Variants in MACROD2 observed in about 807,000 individuals in gnomAD.
The protein encoded by MACROD2 is mono-ADP ribosylhydrolase 2.
Under a neutral mutation model 70.4 loss-of-function variants are expected in MACROD2, and 36 were observed. The observed-to-expected ratio is 0.51, with a 90% confidence interval of 0.39 to 0.68. The LOEUF (loss-of-function observed/expected upper bound fraction) is 0.68. Among genes scored for constraint, MACROD2 ranks in the 30% least tolerant of loss-of-function variants. The pLI, the probability that MACROD2 is intolerant of heterozygous loss-of-function variation, is 0.00. For missense variants in MACROD2, 496 were observed against 538.4 expected, an observed-to-expected ratio of 0.92 and a Z score of 0.78; for synonymous variants, 172 against 178.8, an observed-to-expected ratio of 0.96 and a Z score of 0.30.
At chr20:15,855,696 ATTGT>A in intron 8 of MACROD2, among the ~76,000 whole-genome samples, 1 of 152,304 alleles carries the variant, frequency 6.6e-6, no homozygotes, top group Non-Finnish European at 1.5e-5. Flanking sequence ...CCCCAGGGTA[ATTGT>A]TACATTAACT....
intron 8 of MACROD2, among the ~76,000 whole-genome samples, chr20:15,772,897 GA>G (rs942709686): frequency 1.3e-5 from 2 of 150,888 alleles, no homozygotes; most frequent in Non-Finnish European, 3.0e-5. Context: ...TTCTTTCCTG[GA>G]AAAAAAAATC....
intron 6 of MACROD2, among the ~76,000 whole-genome samples, chr20:15,273,163 A>T (rs756982629): frequency 6.6e-6 from 1 of 152,166 alleles, no homozygotes; most frequent in Non-Finnish European, 1.5e-5. Flanking sequence ...GGGAAGGCAG[A>T]TCCACCCTTA....
chr20:14,234,955 T>C (rs7268327), intron 3 of MACROD2, among the ~76,000 whole-genome samples: 1 of 152,048 alleles, frequency 6.6e-6, no homozygotes, highest in African/African-American at 2.4e-5. Context: ...GTTTTCAAAG[T>C]CAAATATGGG....
chr20:14,197,562 G>A (rs1259661454), intron 3 of MACROD2, among the ~76,000 whole-genome samples: 1 of 152,080 alleles, frequency 6.6e-6, no homozygotes, highest in Non-Finnish European at 1.5e-5. Flanking sequence ...GAGGTTGGGA[G>A]TTCGAGACCA....
rs531510697 is a variant in MACROD2, at chr20:15,532,634, G to A, written c.645+32787G>A. Among the ~76,000 whole-genome samples, 148 of 150,950 alleles carry A rather than the reference G, an allele frequency of 9.8e-4. 2 individuals are homozygous for A. Among genetic ancestry groups the A allele is most frequent in the Admixed American group, 3.3e-4 (5 of 15,240 alleles). On this transcript the variant is annotated intron_variant, in intron 8 of 17. Transcript: ENST00000684519. The stretch of plus-strand genomic sequence containing the variant: ...TAAACTCAATTATAAGAACAAACAA[G>A]TGAAACAAAACAAAATAAACCAAAA...
At chr20:14,000,372 A>C (rs2052717450) in intron 1 of MACROD2, among the ~76,000 whole-genome samples, 1 of 152,140 alleles carries the variant, frequency 6.6e-6, no homozygotes, top group African/African-American at 2.4e-5. Context: ...GGAGTGGGAA[A>C]AATATTGGTT....
At chr20:15,807,194 C>A (rs2063776983) in intron 8 of MACROD2, among the ~76,000 whole-genome samples, 1 of 152,158 alleles carries the variant, frequency 6.6e-6, no homozygotes, top group Admixed American at 6.5e-5. Context: ...TGACTTCCAC[C>A]AATAACCAAG....
intron 8 of MACROD2, among the ~76,000 whole-genome samples, chr20:15,784,279 G>C (rs1285099269): frequency 1.3e-5 from 2 of 152,036 alleles, no homozygotes; most frequent in East Asian, 3.8e-4. Flanking sequence ...ACAAGTGCCT[G>C]GTAGCTCATG....
At chr20:15,575,513 G>C (rs2048434741) in intron 8 of MACROD2, among the ~76,000 whole-genome samples, 2 of 152,166 alleles carry the variant, frequency 1.3e-5, no homozygotes, top group Admixed American at 6.5e-5. Context: ...GGGCAGTGGA[G>C]GCAGAAAGGA....
intron 3 of MACROD2, among the ~76,000 whole-genome samples, chr20:14,213,825 C>G (rs1436785513): frequency 6.6e-6 from 1 of 151,932 alleles, no homozygotes; most frequent in Non-Finnish European, 1.5e-5. Context: ...TAAAAGTTTT[C>G]TTTATTTTTT....
intron 2 of MACROD2, among the ~76,000 whole-genome samples, chr20:14,039,440 T>C (rs1429147937): frequency 6.6e-6 from 1 of 152,114 alleles, no homozygotes; most frequent in East Asian, 1.9e-4. Flanking sequence ...TTATGTTTTA[T>C]TTTTTTCTTT....
chr20:14,651,256 G>A (rs982265683), intron 4 of MACROD2, among the ~76,000 whole-genome samples: 1 of 152,040 alleles, frequency 6.6e-6, no homozygotes, highest in East Asian at 1.9e-4. Context: ...ATAGGGGGAC[G>A]TCATGATGCC....
At chr20:14,042,102 A>G (rs1168587662) in intron 2 of MACROD2, among the ~76,000 whole-genome samples, 2 of 152,226 alleles carry the variant, frequency 1.3e-5, no homozygotes, top group African/African-American at 2.4e-5. Context: ...AAGAAACTGA[A>G]CTTTTTAGTA....
intron 3 of MACROD2, among the ~76,000 whole-genome samples, chr20:14,161,192 T>C (rs1361661642): frequency 1.2e-5 from 1 of 82,880 alleles, no homozygotes; most frequent in African/African-American, 5.9e-5. Flanking sequence ...TTTCTTTTTC[T>C]TTTTTTTTTT....
intron 4 of MACROD2, among the ~76,000 whole-genome samples, chr20:14,644,154 G>A (rs1296995964): frequency 2.0e-5 from 3 of 152,138 alleles, no homozygotes; most frequent in Non-Finnish European, 4.4e-5. Flanking sequence ...CTAAGAAACA[G>A]CAGTGAACTT....
chr20:14,609,253 G>T (rs1036399432), intron 4 of MACROD2, among the ~76,000 whole-genome samples: 5 of 145,232 alleles, frequency 3.4e-5, no homozygotes, highest in African/African-American at 1.2e-4. Context: ...ATTAGAAACA[G>T]AGAGAAGTTA....
chr20:15,633,471 G>GC (rs2049320645), intron 8 of MACROD2, among the ~76,000 whole-genome samples: 1 of 152,118 alleles, frequency 6.6e-6, no homozygotes, highest in Non-Finnish European at 1.5e-5. Context: ...ACCAGAAAAT[G>GC]CCATTCAGGA....
intron 3 of MACROD2, among the ~76,000 whole-genome samples, chr20:14,188,263 T>G (rs2081360091): frequency 6.6e-6 from 1 of 152,142 alleles, no homozygotes; most frequent in African/African-American, 2.4e-5. Context: ...GATATCTTTA[T>G]GTACCTCTTA....
intron 3 of MACROD2, among the ~76,000 whole-genome samples, chr20:14,415,307 T>G (rs1382901512): frequency 6.6e-6 from 1 of 152,176 alleles, no homozygotes; most frequent in Non-Finnish European, 1.5e-5. Context: ...ACTGCCAACT[T>G]TCATTTTTAT....
Sources: gnomAD v4.1 joint callset for allele counts (sites outside exome capture counted in the v4.1 genomes callset) on GRCh38, gnomAD v4.1.1 for gene constraint, MANE v1.5 for transcripts, NCBI Gene and HGNC (gene_info 2026-07-23, HGNC 2026-07-21) for gene names.